APOB: variants seen among roughly 807,000 people sequenced by gnomAD.
The protein encoded by APOB is apolipoprotein B-100.
A neutral mutation model predicts 314.1 loss-of-function variants in APOB; 153 were observed. The ratio of observed to expected loss-of-function variants is 0.49; its 90% CI spans 0.43 to 0.56. The LOEUF (loss-of-function observed/expected upper bound fraction) is 0.56, where lower values mean the gene tolerates loss of function less well. Ranked by LOEUF, APOB falls within the 20% of genes least tolerant of loss-of-function variation. The pLI is 0.00. For missense variants in APOB, 5,430 were observed against 5,350.7 expected (o/e 1.01, Z -0.46); for synonymous variants, 2,087 against 2,036.4 (o/e 1.02, Z -0.67).
In APOB at chr2:21,037,989, T is replaced by C; in HGVS notation, c.506A>G (p.Glu169Gly). 6.2e-7 allele frequency: 1 copy of C among 1,614,230 alleles called. No homozygotes were observed. The highest frequency in any genetic ancestry group is 1.1e-5 in the South Asian group (1 of 91,084). ...CAACACTTGCTTGGCTTCTTCTGTC[T>C]CTGGGGGAACCAGGAGGGCAGAAAT... ...GIISALLVPP[E>G]TEEAKQVLFL... The change falls in exon 5 of 29, where the codon GAG (glutamate) becomes GGG (glycine). Residue 169 changes from glutamate to glycine, a missense_variant. Transcript: ENST00000233242.
At position 21,008,970 on chromosome 2, in the gene APOB, A is replaced by C. The variant is rs747155189; in HGVS notation, c.7898T>G (p.Phe2633Cys). The C allele has an allele frequency of 6.2e-7, 1 of 1,614,012 alleles. No individual in the cohort carries two copies. Among genetic ancestry groups the C allele is most frequent in the South Asian group, 1.1e-5 (1 of 91,068 alleles). ...GATTTTTATATTTTTTAAGTCTTTG[A>C]AGTTTATCTGAACTGATGGAATCCT... ...DLRIPSVQINFKDLKNIKIPS... is the reference protein window; with the variant it reads ...DLRIPSVQINCKDLKNIKIPS... The change falls in exon 26 of 29, where the codon TTC (phenylalanine) becomes TGC (cysteine). Residue 2633 changes from phenylalanine to cysteine, a missense_variant. Coordinates refer to ENST00000233242, the MANE Select transcript of APOB (RefSeq NM_000384.3).
intron 8 of APOB, among the ~76,000 whole-genome samples, 179 bp from the exon 9 acceptor site, chr2:21,033,697 C>T (rs1271361313): frequency 6.6e-6 from 1 of 152,202 alleles, no homozygotes; most frequent in Non-Finnish European, 1.5e-5. Context: ...TTCACTGACT[C>T]ATCATCCTAT....
Position 21,032,411 on chromosome 2 carries a change from A to G in APOB, c.1295T>C (p.Met432Thr), listed in dbSNP as rs371145776. ...GGCTCGGCTGCGCTGATCCCTCGCC[A>G]TGTTGAAGATCTCTCGCAGCTGCTG... ...SAQQLREIFN[M>T]ARDQRSRATL... The change falls in exon 10 of 29, where the codon ATG becomes ACG. Residue 432 changes from methionine (M) to threonine (T), a missense_variant. This residue lies in a region of APOB where 2,085 missense variants were observed against 2,079.7 expected (regional missense o/e 1.00). Transcript: ENST00000233242. 4.9e-5 allele frequency: 79 copies of G among 1,613,964 alleles called. No individual in the cohort carries two copies. Among genetic ancestry groups the G allele is most frequent in the Middle Eastern group, 3.3e-4 (2 of 6,082 alleles).
Position 21,007,798 on chromosome 2 carries a change from G to A in APOB, c.9070C>T (p.His3024Tyr), listed in dbSNP as rs1663187372. Reference protein sequence around the residue: ...KAEFTGRHDAHLNGKVIGTLK... With the variant: ...KAEFTGRHDAYLNGKVIGTLK... Reference sequence around the variant, plus strand: ...GTTCCAATAACCTTTCCATTTAAATGAGCATCATGCCTCCCAGTAAACTCT... The same window carrying A: ...GTTCCAATAACCTTTCCATTTAAATAAGCATCATGCCTCCCAGTAAACTCT... The change falls in exon 26 of 29, where the codon CAT becomes TAT. Residue 3024 changes from histidine (H) to tyrosine (Y), a missense_variant. His to Tyr is a moderately conservative substitution (Grantham distance 83). Coordinates refer to ENST00000233242, the MANE Select transcript of APOB (RefSeq NM_000384.3). The A allele has an allele frequency of 1.2e-6, 2 of 1,613,906 alleles. No homozygotes were observed. The highest frequency in any genetic ancestry group is 2.7e-5 in the African/African-American group (2 of 74,910).
intron 16 of APOB, 186 bp downstream of exon 16, chr2:21,024,747 T>C (rs1382773577): frequency 1.4e-6 from 1 of 726,740 alleles, no homozygotes; most frequent in Non-Finnish European, 2.5e-6. Flanking sequence ...GCTTAATTTC[T>C]AAATGTTAAC....
At chr2:21,037,853 G>T in intron 5 of APOB, 105 bp downstream of exon 5, 1 of 1,423,944 alleles carries the variant, frequency 7.0e-7, no homozygotes, top group Non-Finnish European at 9.9e-7. Context: ...TATGTAACTA[G>T]TCATGGAGCT....
chr2:21,011,362 T>A lies in APOB; in HGVS notation c.5506A>T (p.Ile1836Leu), dbSNP rs762878618. The A allele has an allele frequency of 1.9e-6, 3 of 1,614,190 alleles. No homozygotes were observed. Among genetic ancestry groups the A allele is most frequent in the South Asian group, 2.2e-5 (2 of 91,082 alleles). ...GAAGAGATGGCATAGATGTGTTTTA[T>A]TTCATTATTTTGGTAGGCTCCTTTT... The part of the protein sequence containing the change: ...NLKGAYQNNE[I>L]KHIYAISSAA... The change falls in exon 26 of 29, where the codon ATA becomes TTA. Residue 1836 changes from isoleucine to leucine, a missense_variant. Physicochemically the swap from Ile to Leu is conservative, Grantham distance 5. Around this residue, in one of 3 missense-constraint regions of APOB, gnomAD observed 3,281 missense variants for 3,171.0 expected, o/e 1.03. Coordinates refer to ENST00000233242, the MANE Select transcript of APOB (RefSeq NM_000384.3).
At chr2:21,033,606 C>T in intron 8 of APOB, 88 bp from the exon 9 acceptor site, 1 of 1,117,924 alleles carries the variant, frequency 8.9e-7, no homozygotes, top group South Asian at 1.2e-5. Flanking sequence ...TGTGGAGTAT[C>T]AGCACAGGGG....
intron 5 of APOB, 57 bp from the exon 6 acceptor site, chr2:21,037,312 C>A: frequency 6.6e-7 from 1 of 1,517,636 alleles, no homozygotes; most frequent in Non-Finnish European, 9.1e-7. Context: ...TCCTTGGGTA[C>A]TTGGGAGGGA....
intron 25 of APOB, among the ~76,000 whole-genome samples, chr2:21,012,879 C>T (rs1307968825): frequency 6.6e-6 from 1 of 152,230 alleles, no homozygotes; most frequent in African/African-American, 2.4e-5. Context: ...AGTGCTTCCA[C>T]TCTACCTTAT....
Position 21,029,950 on chromosome 2 carries a change from T to C in APOB, c.1418A>G (p.Gln473Arg). ...ATCCCCAGTGCAGTCATCTTGAATC[T>C]GTTCCATCAGGTAATTAGCAATGTC... ...LLDIANYLME[Q>R]IQDDCTGDED... is the part of the protein sequence containing the mutation. The change falls in exon 11 of 29, where the codon CAG becomes CGG. Residue 473 changes from glutamine (Q) to arginine (R), a missense_variant. Gln to Arg is a conservative substitution (Grantham distance 43). Around this residue, in one of 3 missense-constraint regions of APOB, gnomAD observed 2,085 missense variants for 2,079.7 expected, o/e 1.00. Coordinates refer to ENST00000233242, the MANE Select transcript of APOB (RefSeq NM_000384.3). 1.2e-6 allele frequency: 2 copies of C among 1,614,168 alleles called. No individual in the cohort carries two copies. Among genetic ancestry groups the C allele is most frequent in the Non-Finnish European group, 1.7e-6 (2 of 1,179,996 alleles).
In APOB at chr2:21,009,409, T is replaced by G; in HGVS notation, c.7459A>C (p.Thr2487Pro). Residue 2487 changes from threonine (T) to proline (P), a missense_variant, in exon 26 of 29, where the codon ACC becomes CCC. Coordinates refer to ENST00000233242, the MANE Select transcript of APOB (RefSeq NM_000384.3). ...CAATTGATGATTAAGGTTATTTTGG[T>G]GTCCTGTAGGCTTTCCAGATACACT... ...VAVYLESLQD[T>P]KITLIINWLQ... 5.0e-6 allele frequency: 8 copies of G among 1,614,078 alleles called. No homozygotes were observed. The highest frequency in any genetic ancestry group is 6.8e-6 in the Non-Finnish European group (8 of 1,179,968).
At chr2:21,036,974 C>G (rs142999507) in intron 6 of APOB, 126 bp downstream of exon 6, 339 of 1,218,432 alleles carry the variant, frequency 2.8e-4, no homozygotes, top group Middle Eastern at 7.9e-4. Flanking sequence ...GGTCCTATCT[C>G]TAGTCTGTAT....
At chr2:21,036,016 C>A (rs1282522906) in intron 6 of APOB, among the ~76,000 whole-genome samples, 1 of 152,172 alleles carries the variant, frequency 6.6e-6, no homozygotes. Context: ...GCCCAAAAGC[C>A]CATTCTTACA....
rs1445405182 is a variant in APOB at position 21,001,941 on chromosome 2, T to C, written c.13481A>G (p.Gln4494Arg). The stretch of plus-strand genomic sequence containing the variant: ...AAAATCTTGCAGTTTATATCTAAAC[T>C]GCTGGTGGTAATCAGAAATTATTTT... ...TKKIISDYHQ[Q>R]FRYKLQDFSD... The change falls in exon 29 of 29, where the codon CAG becomes CGG. Residue 4494 changes from glutamine (Q) to arginine (R), a missense_variant. This residue lies in a region of APOB where 3,281 missense variants were observed against 3,171.0 expected (regional missense o/e 1.03). Transcript: ENST00000233242. The C allele has an allele frequency of 6.2e-7, 1 of 1,612,946 alleles. No homozygotes were observed. Among genetic ancestry groups the C allele is most frequent in the Admixed American group, 1.7e-5 (1 of 60,014 alleles).
chr2:21,028,041 A>G lies in APOB; in HGVS notation c.1854T>C (p.Ala618=). 6.2e-7 allele frequency: 1 copy of G among 1,612,548 alleles called. No homozygotes were observed. The highest frequency in any genetic ancestry group is 8.5e-7 in the Non-Finnish European group (1 of 1,178,558). The change falls in exon 14 of 29, where the codon GCT becomes GCC. Residue 618 remains alanine, a synonymous_variant. Transcript: ENST00000233242. ...CAGTTGGAAGTTGAGATTCTTTCAG[A>G]GCTTCTTTCACTAACTTTTTCAGAC... The part of the protein sequence containing the change: ...IQDLKKLVKE[A]LKESQLPTVM...
In APOB at chr2:21,003,317, T is replaced by A. The variant is rs1558559545; in HGVS notation, c.12105A>T (p.Lys4035Asn). ...TCAACTCAGTTTTGAATATGGTGAG[T>A]TTTTTATCTGGAGAGGACTAAACAG... Reference protein sequence around the residue: ...YYSPQSSPDKKLTIFKTELRV... With the variant: ...YYSPQSSPDKNLTIFKTELRV... Residue 4035 changes from lysine to asparagine, a missense_variant, in exon 29 of 29, where the codon AAA becomes AAT. Physicochemically the swap from Lys to Asn is moderately conservative, Grantham distance 94. Around this residue, in one of 3 missense-constraint regions of APOB, gnomAD observed 3,281 missense variants for 3,171.0 expected, o/e 1.03. Transcript: ENST00000233242. The A allele has an allele frequency of 1.2e-6, 2 of 1,613,264 alleles. No individual in the cohort carries two copies. The highest frequency in any genetic ancestry group is 1.7e-6 in the Non-Finnish European group (2 of 1,179,786).
In APOB at chr2:21,005,702, A is replaced by G. The variant is rs1663112273; in HGVS notation, c.11166T>C (p.Pro3722=). 6.2e-7 allele frequency: 1 copy of G among 1,613,866 alleles called. No individual in the cohort carries two copies. Among genetic ancestry groups the G allele is most frequent in the African/African-American group, 1.3e-5 (1 of 74,932 alleles). ...TGAATTTATCAGCCAAAACTTTTACAGGGATGGAGAATGAATAGCCATTGG... is the reference window on the plus strand; with the variant it reads ...TGAATTTATCAGCCAAAACTTTTACGGGGATGGAGAATGAATAGCCATTGG... ...KNPNGYSFSI[P]VKVLADKFII... The change falls in exon 26 of 29, where the codon CCT becomes CCC. Residue 3722 remains proline (P), a synonymous_variant. Coordinates refer to ENST00000233242, the MANE Select transcript of APOB (RefSeq NM_000384.3).
Position 21,002,622 on chromosome 2 carries a change from G to A in APOB, c.12800C>T (p.Ser4267Leu), listed in dbSNP as rs910938141. The change falls in exon 29 of 29, where the codon TCG becomes TTG. Residue 4267 changes from serine (S) to leucine (L), a missense_variant. Physicochemically the swap from Ser to Leu is moderately radical, Grantham distance 145 (BLOSUM62 -2). Around this residue, in one of 3 missense-constraint regions of APOB, gnomAD observed 3,281 missense variants for 3,171.0 expected, o/e 1.03. Coordinates refer to ENST00000233242, the MANE Select transcript of APOB (RefSeq NM_000384.3). ...ATCTTTCAACAGTTCCCTATACATC[G>A]AGATTACATCTATTAGTTTATGTTT... ...LRKHKLIDVISMYRELLKDLS... is the reference protein window; with the variant it reads ...LRKHKLIDVILMYRELLKDLS... The A allele has an allele frequency of 8.1e-6, 13 of 1,613,802 alleles. No individual in the cohort carries two copies. Among genetic ancestry groups the A allele is most frequent in the South Asian group, 2.2e-5 (2 of 91,050 alleles).
Sources: allele counts gnomAD v4.1 joint callset (sites outside exome capture counted in the v4.1 genomes callset), GRCh38; gene constraint gnomAD v4.1.1; regional missense constraint gnomAD v4.1.1; transcripts MANE v1.5; gene names NCBI Gene and HGNC (gene_info 2026-07-23, HGNC 2026-07-21).